VAV1: variants seen among roughly 807,000 people sequenced by gnomAD.
The protein encoded by VAV1 is proto-oncogene vav.
A neutral mutation model predicts 128.1 loss-of-function variants in VAV1; 33 were observed. That is an observed-to-expected ratio of 0.26 (90% CI 0.20 to 0.34). The LOEUF (loss-of-function observed/expected upper bound fraction) is 0.34, where lower values mean the gene tolerates loss of function less well. Ranked by LOEUF, VAV1 falls within the 10% of genes least tolerant of loss-of-function variation. The pLI, the probability that VAV1 is intolerant of heterozygous loss-of-function variation, is 1.00. For synonymous variants in VAV1, 394 were observed against 409.8 expected (o/e 0.96, Z 0.47); for missense variants, 715 against 1,093.7 (o/e 0.65, Z 4.88).
rs1026967569 is a variant in VAV1, at chr19:6,857,291, G to A, written c.*184G>A. Reference sequence around the variant, plus strand: ...TGACATGGTTAATTTATAACACCCCGATTTCCTCTTGGGTCCCCTCAAGCA... The same window carrying A: ...TGACATGGTTAATTTATAACACCCCAATTTCCTCTTGGGTCCCCTCAAGCA... On this transcript the variant is annotated 3_prime_UTR_variant, in exon 27 of 27. Coordinates refer to ENST00000602142, the MANE Select transcript of VAV1 (RefSeq NM_005428.4). 26 of 712,634 alleles carry A rather than the reference G, an allele frequency of 3.6e-5. No individual in the cohort carries two copies. Among genetic ancestry groups the A allele is most frequent in the African/African-American group, 2.5e-4 (14 of 55,558 alleles). The allele number at this position is 712,634 out of a possible 1,614,324, so 44.1% of individuals were successfully genotyped here.
chr19:6,830,835 C>G (rs1484170896), intron 14 of VAV1, among the ~76,000 whole-genome samples: 2 of 152,064 alleles, frequency 1.3e-5, no homozygotes, highest in African/African-American at 4.8e-5. Flanking sequence ...TGCCTGTAAT[C>G]CCAGTACTTT....
chr19:6,820,567 A>T lies in VAV1; in HGVS notation c.205-135A>T. On this transcript the variant is annotated intron_variant, in intron 1 of 26. Coordinates refer to ENST00000602142, the MANE Select transcript of VAV1 (RefSeq NM_005428.4). This position sits in a 1 kb window ranked among gnomAD's most constrained non-coding sequence, Gnocchi z 4.4. Reference sequence around the variant, plus strand: ...GGCACAACTTAATCTTTACCAGAAGATAATTCAATTTCATGGAAGAGGGTC... The same window carrying T: ...GGCACAACTTAATCTTTACCAGAAGTTAATTCAATTTCATGGAAGAGGGTC... The T allele has an allele frequency of 2.9e-6, 2 of 680,842 alleles. No homozygotes were observed. Among genetic ancestry groups the T allele is most frequent in the Non-Finnish European group, 5.3e-6 (2 of 380,016 alleles). The allele number at this position is 680,842 out of a possible 1,614,324, so 42.2% of individuals were successfully genotyped here. A position where few individuals can be genotyped will look rare whatever the true frequency, so the allele number is the denominator to read the frequency against.
Position 6,828,350 on chromosome 19 carries a change from T to C in VAV1, c.1024-69T>C. ...TGGAGGAGCTGGTGAGCTAGCATTG[T>C]TTGGAAGGCCCTCCCCGCAGGGAGA... On this transcript the variant is annotated intron_variant, in intron 10 of 26. Transcript: ENST00000602142. This position sits in a 1 kb window ranked among gnomAD's most constrained non-coding sequence, Gnocchi z 4.5. 3.1e-6 allele frequency: 5 copies of C among 1,595,726 alleles called. No homozygotes were observed. The highest frequency in any genetic ancestry group is 3.4e-6 in the Non-Finnish European group (4 of 1,165,316).
At chr19:6,775,940 T>C (rs1322062759) in intron 1 of VAV1, among the ~76,000 whole-genome samples, 2 of 127,062 alleles carry the variant, frequency 1.6e-5, no homozygotes, top group Admixed American at 7.2e-5. Context: ...TCGGAGTCCT[T>C]CTCTTTTTTC....
rs184779159 is a variant in VAV1 at position 6,840,017 on chromosome 19, T to C, written c.1980+2967T>C. Among the ~76,000 whole-genome samples, 223 of 152,292 alleles carry C rather than the reference T, an allele frequency of 1.5e-3. 1 individual carries two copies. Among genetic ancestry groups the C allele is most frequent in the African/African-American group, 5.2e-3 (216 of 41,566 alleles). On this transcript the variant is annotated intron_variant, in intron 21 of 26. Transcript: ENST00000602142. Reference sequence around the variant, plus strand: ...AACATAACCATTTTCTAAGGTACAGTTGAGTGGCATTAAGTACATTCACAG... The same window carrying C: ...AACATAACCATTTTCTAAGGTACAGCTGAGTGGCATTAAGTACATTCACAG...
chr19:6,778,216 C>T (rs1463384054), intron 1 of VAV1, among the ~76,000 whole-genome samples: 6 of 152,020 alleles, frequency 3.9e-5, no homozygotes, highest in African/African-American at 2.4e-5. Context: ...GGATTGCAGG[C>T]GTTAAGCCAC....
chr19:6,791,595 A>G (rs1370407307), intron 1 of VAV1, among the ~76,000 whole-genome samples: 1 of 152,252 alleles, frequency 6.6e-6, no homozygotes, highest in Admixed American at 6.5e-5. Flanking sequence ...ACATCTTACA[A>G]AGTCGTTTTC....
At chr19:6,775,635 T>C (rs551815441) in intron 1 of VAV1, among the ~76,000 whole-genome samples, 1 of 152,298 alleles carries the variant, frequency 6.6e-6, no homozygotes, top group South Asian at 2.1e-4. Context: ...GGGGGCACAT[T>C]CCTGCCCCTA....
chr19:6,822,116 C>T lies in VAV1; in HGVS notation c.450-105C>T. 1 of 1,215,818 alleles carries T rather than the reference C, an allele frequency of 8.2e-7. No individual in the cohort carries two copies. The highest frequency in any genetic ancestry group is 1.2e-6 in the Non-Finnish European group (1 of 856,004). The allele number at this position is 1,215,818 out of a possible 1,614,324, so 75.3% of individuals were successfully genotyped here. On this transcript the variant is annotated intron_variant, in intron 4 of 26. Transcript: ENST00000602142. This position sits in a 1 kb window ranked among gnomAD's most constrained non-coding sequence, Gnocchi z 5.9. ...ATGGCCTGCCCTTGGAGTCTGAGGT[C>T]CCACCCTTGGAGTCTTGGGGGGACA...
At chr19:6,810,002 A>T (rs3097355) in intron 1 of VAV1, among the ~76,000 whole-genome samples, 5 of 151,660 alleles carry the variant, frequency 3.3e-5, no homozygotes, top group African/African-American at 1.2e-4. Context: ...AAGACCCTGT[A>T]TCTACAAAAA....
chr19:6,821,540 A>G, intron 2 of VAV1, 82 bp from the exon 3 acceptor site: 1 of 1,556,246 alleles, frequency 6.4e-7, no homozygotes, highest in Admixed American at 1.7e-5. Context: ...CTAGCGCCTC[A>G]GACAGAGCCT....
chr19:6,776,729 GATCCATCC>G (rs1970652671), intron 1 of VAV1, among the ~76,000 whole-genome samples: 1 of 146,822 alleles, frequency 6.8e-6, no homozygotes, highest in South Asian at 2.2e-4. Flanking sequence ...TCTATCCATG[GATCCATCC>G]ATCCACTAAT....
intron 22 of VAV1, 145 bp from the exon 23 acceptor site, chr19:6,847,853 C>T (rs1972562004): frequency 1.6e-6 from 1 of 633,930 alleles, no homozygotes. Context: ...ACGGGGCCTA[C>T]CTTGGTGCTG....
At chr19:6,815,570 T>G (rs2144757989) in intron 1 of VAV1, among the ~76,000 whole-genome samples, 1 of 152,300 alleles carries the variant, frequency 6.6e-6, no homozygotes, top group South Asian at 2.1e-4. Flanking sequence ...TGGCAGCAAT[T>G]GAGAAGATGA....
Position 6,814,714 on chromosome 19 carries a change from T to C in VAV1, c.205-5988T>C, listed in dbSNP as rs142977252. Among the ~76,000 whole-genome samples, 910 of 140,416 alleles carry C rather than the reference T, an allele frequency of 6.5e-3. 12 individuals are homozygous for C. The highest frequency in any genetic ancestry group is 0.012 in the South Asian group (56 of 4,546). 92.1% of individuals were successfully genotyped at this position (140,416 alleles called of 152,430 possible). ...TTTCTTTCTTTCTTTCTTTCTTTCT[T>C]TCTTTCTTTCTTTCTTTCCTTTTTC... On this transcript the variant is annotated intron_variant, in intron 1 of 26. Coordinates refer to ENST00000602142, the MANE Select transcript of VAV1 (RefSeq NM_005428.4).
At chr19:6,774,427 C>CTTTTTTTTTTTTTTTTTTTTT (rs1002823385) in intron 1 of VAV1, among the ~76,000 whole-genome samples, 1 of 91,566 alleles carries the variant, frequency 1.1e-5, no homozygotes, top group African/African-American at 5.6e-5. Flanking sequence ...CGCGCCCAGC[C>CTTTTTTTTTTTTTTTTTTTTT]TTTTTTTTTT....
intron 1 of VAV1, among the ~76,000 whole-genome samples, chr19:6,788,666 C>T (rs1372050243): frequency 2.0e-5 from 3 of 152,098 alleles, no homozygotes; most frequent in African/African-American, 7.2e-5. Flanking sequence ...AGCCACTGCA[C>T]CTGGCTGTTT....
chr19:6,831,966 A>G, intron 14 of VAV1, 125 bp from the exon 15 acceptor site: 1 of 687,322 alleles, frequency 1.5e-6, no homozygotes, highest in Non-Finnish European at 2.4e-6. Flanking sequence ...ATATCCATGC[A>G]TGGTGCTAGG....
chr19:6,812,416 AG>A (rs1971533702), intron 1 of VAV1, among the ~76,000 whole-genome samples: 1 of 152,198 alleles, frequency 6.6e-6, no homozygotes, highest in Non-Finnish European at 1.5e-5. Flanking sequence ...GCACTTTGGG[AG>A]GCCAAGGCAG....
Sources: gnomAD v4.1 joint callset for allele counts (sites outside exome capture counted in the v4.1 genomes callset) on GRCh38, gnomAD v4.1.1 for gene constraint, Gnocchi (gnomAD v3.1) non-coding constraint, MANE v1.5 for transcripts, NCBI Gene and HGNC (gene_info 2026-07-23, HGNC 2026-07-21) for gene names.